Variants in NCBP3 observed in about 807,000 individuals in gnomAD.
The protein encoded by NCBP3 is nuclear cap-binding protein subunit 3.
In NCBP3, 20 loss-of-function variants were observed where a neutral mutation model predicts 75.7. The observed-to-expected ratio is 0.26, with a 90% CI of 0.19 to 0.38. The LOEUF (loss-of-function observed/expected upper bound fraction) is 0.38. Among genes scored for constraint, NCBP3 ranks in the 10% least tolerant of loss-of-function variants. NCBP3 has a pLI of 1.00. For missense variants in NCBP3, 678 were observed against 796.9 expected, an observed-to-expected ratio of 0.85 and a Z score of 1.80; for synonymous variants, 293 against 290.5, an observed-to-expected ratio of 1.01 and a Z score of -0.09.
Position 3,805,043 on chromosome 17 carries a change from T to G in NCBP3, c.*8001A>C, listed in dbSNP as rs2143609471. On this transcript the variant is annotated 3_prime_UTR_variant, in exon 13 of 13. Coordinates refer to ENST00000389005, the MANE Select transcript of NCBP3 (RefSeq NM_001114118.3). ...GTGCAGTGGCACAATCTCAGCTTACTGCAACCTCTGCCTCCTGGGTTCAAG... is the reference window on the plus strand; with the variant it reads ...GTGCAGTGGCACAATCTCAGCTTACGGCAACCTCTGCCTCCTGGGTTCAAG... 1 of 152,460 alleles carries G rather than the reference T, an allele frequency of 6.6e-6. No individual in the cohort carries two copies. The highest frequency in any genetic ancestry group is 2.1e-4 in the South Asian group (1 of 4,828). 9.4% of individuals were successfully genotyped at this position (152,460 alleles called of 1,614,324 possible).
In NCBP3 at chr17:3,814,362, A is replaced by G. The variant is rs1294644927; in HGVS notation, c.1587T>C (p.Asp529=). Reference sequence around the variant, plus strand: ...GAGTATCGGCGTAGAGGCCTTTACTATCCTGCCTGGGAACACCTAGCCTAC... The same window carrying G: ...GAGTATCGGCGTAGAGGCCTTTACTGTCCTGCCTGGGAACACCTAGCCTAC... ...VHSRLGVPRQ[D]SKGLYADTRE... The change falls in exon 12 of 13, where the codon GAT becomes GAC. Residue 529 remains aspartate (D), a synonymous_variant. Coordinates refer to ENST00000389005, the MANE Select transcript of NCBP3 (RefSeq NM_001114118.3). 8 of 1,614,176 alleles carry G rather than the reference A, an allele frequency of 5.0e-6. No homozygotes were observed. The highest frequency in any genetic ancestry group is 2.2e-5 in the South Asian group (2 of 91,082).
intron 9 of NCBP3, among the ~76,000 whole-genome samples, chr17:3,820,860 G>A (rs1348720814): frequency 6.6e-6 from 1 of 151,892 alleles, no homozygotes; most frequent in Non-Finnish European, 1.5e-5. Flanking sequence ...GAATCCAGGA[G>A]GCAGAGTTGC....
chr17:3,816,345 A>C, intron 10 of NCBP3, 75 bp from the exon 11 acceptor site: 1 of 1,304,934 alleles, frequency 7.7e-7, no homozygotes, highest in Non-Finnish European at 1.1e-6. Context: ...ACAATCTCAT[A>C]CTTTGGAGGA....
chr17:3,826,884 G>A (rs1209142110), intron 4 of NCBP3, among the ~76,000 whole-genome samples: 7 of 151,854 alleles, frequency 4.6e-5, no homozygotes, highest in Non-Finnish European at 7.4e-5. Context: ...GTGGTGGCGG[G>A]CGCCTGTGGT....
At chr17:3,819,213 T>G (rs567772918) in intron 9 of NCBP3, among the ~76,000 whole-genome samples, 2 of 152,304 alleles carry the variant, frequency 1.3e-5, no homozygotes, top group East Asian at 3.9e-4. Context: ...CTACTGGCTG[T>G]GAACTCAATG....
At chr17:3,840,651 T>C in intron 2 of NCBP3, among the ~76,000 whole-genome samples, 1 of 152,202 alleles carries the variant, frequency 6.6e-6, no homozygotes, top group East Asian at 1.9e-4. Flanking sequence ...AGCAAGCAGA[T>C]CTGATTCCAG....
rs1597405480 is a variant in NCBP3, at chr17:3,829,283, T to C, written c.441A>G (p.Glu147=). The change falls in exon 4 of 13, where the codon GAA becomes GAG. Residue 147 remains glutamate (E), a synonymous_variant. Coordinates refer to ENST00000389005, the MANE Select transcript of NCBP3 (RefSeq NM_001114118.3). ...ACCATTCGATGTGAGCTGGAGGATA[T>C]TCTTTAAAATAGGAAAAGACATCTT... ...STQDVFSYFK[E]YPPAHIEWLD... is the part of the protein sequence containing the mutation. The C allele has an allele frequency of 1.2e-5, 18 of 1,551,732 alleles. No homozygotes were observed. Among genetic ancestry groups the C allele is most frequent in the Non-Finnish European group, 1.5e-5 (17 of 1,147,008 alleles).
rs2053313385 is a variant in NCBP3, at chr17:3,804,234, TG to T, written c.*8809del. 6.6e-6 allele frequency: 1 copy of T among 151,778 alleles called. No individual in the cohort carries two copies. The highest frequency in any genetic ancestry group is 1.5e-5 in the Non-Finnish European group (1 of 67,996). 9.4% of individuals were successfully genotyped at this position (151,778 alleles called of 1,614,324 possible). A position where few individuals can be genotyped will look rare whatever the true frequency, so the allele number is the denominator to read the frequency against. On this transcript the variant is annotated 3_prime_UTR_variant, in exon 13 of 13. Coordinates refer to ENST00000389005, the MANE Select transcript of NCBP3 (RefSeq NM_001114118.3). ...AAAATGTTCATGGATGGAGGAGACGTGCTCGGCGTGAGGTGAAAGGGCTGCC... is the reference window on the plus strand; with the variant it reads ...AAAATGTTCATGGATGGAGGAGACGTCTCGGCGTGAGGTGAAAGGGCTGCC...
At chr17:3,836,477 A>AC (rs1389422522) in intron 3 of NCBP3, among the ~76,000 whole-genome samples, 2 of 151,610 alleles carry the variant, frequency 1.3e-5, no homozygotes, top group East Asian at 1.9e-4. Context: ...ACATGGTGAA[A>AC]CCCCGTCTCT....
chr17:3,846,144 T>G lies in NCBP3; in HGVS notation c.80A>C (p.Glu27Ala), dbSNP rs886142241. Residue 27 changes from glutamate (E) to alanine (A), a missense_variant, in exon 1 of 13, where the codon GAG (glutamate) becomes GCG (alanine). Transcript: ENST00000389005. This position sits in a 1 kb window ranked among gnomAD's most constrained non-coding sequence, Gnocchi z 4.6. ...AGPALGLPSPEAESGVDRGEP... is the reference protein window; with the variant it reads ...AGPALGLPSPAAESGVDRGEP... ...GCCACGGTCAACACCGGACTCCGCC[T>G]CAGGGGACGGGAGCCCCAGGGCCGG... The G allele has an allele frequency of 3.9e-6, 6 of 1,539,838 alleles. No individual in the cohort carries two copies. In the African/African-American group the frequency reaches 7.0e-5, roughly 18 times the overall value.
chr17:3,820,911 C>G (rs907692733), intron 9 of NCBP3, among the ~76,000 whole-genome samples: 9 of 148,746 alleles, frequency 6.1e-5, no homozygotes, highest in Non-Finnish European at 8.9e-5. Flanking sequence ...GCCTGAGAGA[C>G]AGAGCGAGAC....
rs1433444881 is a variant in NCBP3, at chr17:3,813,055, C to A, written c.1852G>T (p.Ala618Ser). The change falls in exon 13 of 13, where the codon GCA becomes TCA. Residue 618 changes from alanine (A) to serine (S), a missense_variant. Transcript: ENST00000389005. ...VSRESSSGSE[A>S]ES ...AGGCCCCAGGGGCATCAGGACTCTG[C>A]CTCTGAACCAGAGCTGCTTTCCCGA... The A allele has an allele frequency of 6.2e-7, 1 of 1,614,072 alleles. No individual in the cohort carries two copies. Among genetic ancestry groups the A allele is most frequent in the African/African-American group, 1.3e-5 (1 of 74,948 alleles).
intron 11 of NCBP3, among the ~76,000 whole-genome samples, chr17:3,815,370 C>T (rs531814345): frequency 4.7e-4 from 71 of 152,336 alleles, no homozygotes; most frequent in Non-Finnish European, 6.9e-4. Flanking sequence ...AGATCTATGA[C>T]GGCTCTGCGT....
intron 9 of NCBP3, among the ~76,000 whole-genome samples, chr17:3,820,778 A>T (rs530642392): frequency 2.5e-4 from 38 of 152,164 alleles, no homozygotes; most frequent in Non-Finnish European, 5.0e-4. Flanking sequence ...TAAAAATACA[A>T]AAGTTAGCTG....
In NCBP3 at chr17:3,812,461, G is replaced by A. The variant is rs986904573; in HGVS notation, c.*583C>T. Reference sequence around the variant, plus strand: ...CATGAGCAATCCCCGAGGGAAGAACGGAAGCACAGTCAATGCTGCAGCTCT... The same window carrying A: ...CATGAGCAATCCCCGAGGGAAGAACAGAAGCACAGTCAATGCTGCAGCTCT... On this transcript the variant is annotated 3_prime_UTR_variant, in exon 13 of 13. Coordinates refer to ENST00000389005, the MANE Select transcript of NCBP3 (RefSeq NM_001114118.3). 9.3e-6 allele frequency: 9 copies of A among 964,696 alleles called. No homozygotes were observed. In the African/African-American group the frequency reaches 1.4e-4, roughly 15 times the overall value. The allele number at this position is 964,696 out of a possible 1,614,324, so 59.8% of individuals were successfully genotyped here.
chr17:3,816,603 G>T (rs1186784607), intron 10 of NCBP3, among the ~76,000 whole-genome samples: 1 of 152,214 alleles, frequency 6.6e-6, no homozygotes, highest in Admixed American at 6.5e-5. Context: ...TACACATGCT[G>T]TGATGTGGCT....
intron 1 of NCBP3, among the ~76,000 whole-genome samples, chr17:3,844,221 A>T (rs770534649): frequency 2.6e-4 from 40 of 152,196 alleles, no homozygotes; most frequent in Admixed American, 5.9e-4. Flanking sequence ...TTTGGAAACC[A>T]AGCGAGGACT....
intron 3 of NCBP3, among the ~76,000 whole-genome samples, chr17:3,837,611 G>A (rs1301901533): frequency 1.3e-5 from 2 of 151,436 alleles, no homozygotes; most frequent in East Asian, 3.9e-4. Flanking sequence ...GCATGCACCT[G>A]TAGTCCCAGC....
chr17:3,815,316 T>C (rs2143640096), intron 11 of NCBP3, among the ~76,000 whole-genome samples: 1 of 152,348 alleles, frequency 6.6e-6, no homozygotes, highest in African/African-American at 2.4e-5. Context: ...AAGGCCTGGC[T>C]CTAATGCTAC....
Sources: gnomAD v4.1 joint callset for allele counts (sites outside exome capture counted in the v4.1 genomes callset) on GRCh38, gnomAD v4.1.1 for gene constraint, Gnocchi (gnomAD v3.1) non-coding constraint, MANE v1.5 for transcripts, NCBI Gene and HGNC (gene_info 2026-07-23, HGNC 2026-07-21) for gene names.